The following CHD9 variants were observed in gnomAD, a reference collection of about 807,000 sequenced individuals.
CHD9 encodes chromodomain helicase DNA binding protein 9, also known as ATP-dependent chromatin remodeler CHD9.
CHD9 carries 77 observed loss-of-function variants against 316.1 expected under a neutral mutation model. That is an observed-to-expected ratio of 0.24 (90% CI 0.20 to 0.29). The LOEUF is 0.29. Ranked by LOEUF, CHD9 falls within the 10% of genes least tolerant of loss-of-function variation. The probability of loss-of-function intolerance (pLI) is 1.00; values close to 1 mark genes in which losing one functional copy is unlikely to be tolerated. For synonymous variants in CHD9, 1,129 were observed against 1,158.3 expected (o/e 0.97, Z 0.51); for missense variants, 2,763 against 3,438.1 (o/e 0.80, Z 4.91).
chr16:53,321,136 A>G, intron 37 of CHD9: 1 of 789,540 alleles, frequency 1.3e-6, no homozygotes, highest in Non-Finnish European at 1.9e-6. Context: ...CTATGAGGGA[A>G]GTATTATTGT....
chr16:53,120,230 T>C (rs2038635007), intron 1 of CHD9, among the ~76,000 whole-genome samples: 1 of 151,952 alleles, frequency 6.6e-6, no homozygotes, highest in African/African-American at 2.4e-5. Flanking sequence ...AGACCCTGTC[T>C]CTAAAAAAAT....
chr16:53,059,318 TG>T (rs2032566783), intron 1 of CHD9, among the ~76,000 whole-genome samples: 1 of 151,848 alleles, frequency 6.6e-6, no homozygotes, highest in South Asian at 2.1e-4. Context: ...AAAATATTTC[TG>T]GTGGCTGGGC....
At chr16:53,215,049 A>T (rs1466288577) in intron 3 of CHD9, among the ~76,000 whole-genome samples, 1 of 151,862 alleles carries the variant, frequency 6.6e-6, no homozygotes, top group Non-Finnish European at 1.5e-5. Context: ...AGTAGCTGGG[A>T]CTACAGGTGC....
intron 30 of CHD9, among the ~76,000 whole-genome samples, chr16:53,301,293 T>A (rs2055390744): frequency 6.6e-6 from 1 of 152,190 alleles, no homozygotes; most frequent in Admixed American, 6.5e-5. Flanking sequence ...AAAAAAAATG[T>A]GAGTGAGGTT....
intron 19 of CHD9, among the ~76,000 whole-genome samples, chr16:53,260,102 T>A (rs971181087): frequency 1.1e-4 from 17 of 152,262 alleles, no homozygotes; most frequent in Admixed American, 6.5e-5. Context: ...GTTTGATGAA[T>A]TGTTTTAACA....
chr16:53,268,910 C>T (rs2051949373), intron 22 of CHD9, among the ~76,000 whole-genome samples: 1 of 152,114 alleles, frequency 6.6e-6, no homozygotes, highest in Non-Finnish European at 1.5e-5. Context: ...TTAAGCCATC[C>T]TTCTGCCTCA....
chr16:53,208,443 C>T (rs1403885659), intron 2 of CHD9: 8 of 1,214,720 alleles, frequency 6.6e-6, no homozygotes, highest in Middle Eastern at 2.4e-4. Context: ...GCTGCTGCTA[C>T]GGGAGTCGTA....
intron 1 of CHD9, among the ~76,000 whole-genome samples, chr16:53,103,190 G>GTTTT (rs71143966): frequency 7.1e-6 from 1 of 140,224 alleles, no homozygotes; most frequent in Non-Finnish European, 1.5e-5. Context: ...GATTTTATTT[G>GTTTT]TTTTTTTTTT....
In CHD9 at chr16:53,157,189, C is replaced by T. The variant is rs763829620; in HGVS notation, c.1100C>T (p.Ser367Leu). The T allele has an allele frequency of 7.5e-6, 12 of 1,607,580 alleles. No homozygotes were observed. In the South Asian group the frequency reaches 1.2e-4, roughly 16 times the overall value. ...VHMNFPDPVDSGTQMGHFNDH... is the reference protein window; with the variant it reads ...VHMNFPDPVDLGTQMGHFNDH... The stretch of plus-strand genomic sequence containing the variant: ...ATGAACTTCCCAGATCCTGTTGACT[C>T]AGGAACTCAAATGGGCCATTTCAAT... Residue 367 changes from serine (S) to leucine (L), a missense_variant, in exon 2 of 39, where the codon TCA (serine) becomes TTA (leucine). By Grantham distance (145) the Ser-to-Leu change is moderately radical. Transcript: ENST00000447540.
intron 1 of CHD9, among the ~76,000 whole-genome samples, chr16:53,131,709 C>T (rs1057447087): frequency 6.6e-6 from 1 of 152,164 alleles, no homozygotes; most frequent in South Asian, 2.1e-4. Flanking sequence ...CATCCTGCAG[C>T]CTCTTTCCCT....
chr16:53,105,013 C>A (rs55968330), intron 1 of CHD9, among the ~76,000 whole-genome samples: 41,964 of 151,240 alleles, frequency 0.28, 7,221 homozygotes, highest in Non-Finnish European at 0.38. Flanking sequence ...ACAAAAAAAA[C>A]ACAAAAAACT....
chr16:53,205,031 G>C (rs2045787889), intron 2 of CHD9, among the ~76,000 whole-genome samples: 1 of 151,840 alleles, frequency 6.6e-6, no homozygotes, highest in South Asian at 2.1e-4. Flanking sequence ...TAGTAGAGAT[G>C]GGGTTTCACC....
intron 1 of CHD9, among the ~76,000 whole-genome samples, chr16:53,152,811 A>G (rs1043466994): frequency 2.7e-4 from 41 of 152,296 alleles, no homozygotes; most frequent in Non-Finnish European, 5.4e-4. Flanking sequence ...GGAATTGCCA[A>G]TATAGAGATT....
intron 1 of CHD9, among the ~76,000 whole-genome samples, chr16:53,078,992 G>A (rs1025729026): frequency 1.3e-5 from 2 of 152,086 alleles, no homozygotes; most frequent in East Asian, 1.9e-4. Flanking sequence ...GCATTATGTC[G>A]TCTTTGAAAG....
intron 3 of CHD9, among the ~76,000 whole-genome samples, chr16:53,210,353 G>A (rs1233398680): frequency 6.6e-6 from 1 of 150,654 alleles, no homozygotes; most frequent in South Asian, 2.1e-4. Flanking sequence ...AGTTCTTACT[G>A]ATTTACTTCC....
chr16:53,140,194 T>C (rs961739498), intron 1 of CHD9, among the ~76,000 whole-genome samples: 1 of 150,776 alleles, frequency 6.6e-6, no homozygotes, highest in East Asian at 2.0e-4. Context: ...TGGTGGCTTA[T>C]GTCTATAATC....
chr16:53,261,120 A>G (rs1369588719), intron 19 of CHD9, among the ~76,000 whole-genome samples: 1 of 151,854 alleles, frequency 6.6e-6, no homozygotes, highest in Non-Finnish European at 1.5e-5. Flanking sequence ...GGGAATTTAA[A>G]TTCATTTCAT....
At chr16:53,244,724 A>G (rs2049417677) in intron 13 of CHD9, among the ~76,000 whole-genome samples, 1 of 152,206 alleles carries the variant, frequency 6.6e-6, no homozygotes, top group Admixed American at 6.5e-5. Context: ...AAAGGCACGA[A>G]TAGCATACAA....
intron 3 of CHD9, among the ~76,000 whole-genome samples, chr16:53,222,108 G>A (rs2047293165): frequency 1.3e-5 from 2 of 151,186 alleles, no homozygotes; most frequent in Admixed American, 6.6e-5. Flanking sequence ...ATGGAGTTTC[G>A]CTCTTGTTGC....
Sources: allele counts gnomAD v4.1 joint callset (sites outside exome capture counted in the v4.1 genomes callset), GRCh38; gene constraint gnomAD v4.1.1; transcripts MANE v1.5; gene names NCBI Gene and HGNC (gene_info 2026-07-23, HGNC 2026-07-21).